Variants in ATG2B observed in about 807,000 individuals in gnomAD.
ATG2B encodes autophagy related 2B.
A neutral mutation model predicts 241.3 loss-of-function variants in ATG2B; 121 were observed. That is an observed-to-expected ratio of 0.50 (90% CI 0.43 to 0.58). The LOEUF (loss-of-function observed/expected upper bound fraction) is 0.58. ATG2B is among the 20% of genes least tolerant of loss of function. The pLI, the probability that ATG2B is intolerant of heterozygous loss-of-function variation, is 0.00. For missense variants in ATG2B, 2,306 were observed against 2,491.6 expected (o/e 0.93, Z 1.59); for synonymous variants, 858 against 876.6 (o/e 0.98, Z 0.37).
In ATG2B at chr14:96,316,679, T is replaced by C. The variant is rs1225229936; in HGVS notation, c.3215A>G (p.Asp1072Gly). The C allele has an allele frequency of 2.5e-6, 4 of 1,604,090 alleles. No individual in the cohort carries two copies. Among genetic ancestry groups the C allele is most frequent in the Non-Finnish European group, 3.4e-6 (4 of 1,176,852 alleles). ...LIAVFTDVKQ[D>G]NGDLLENKHG... The stretch of plus-strand genomic sequence containing the variant: ...CTTGTTTTCCAACAGATCTCCATTA[T>C]CTTGCTAGTAAAAAGATCAGAAAAA... The change falls in exon 21 of 42, where the codon GAT becomes GGT. Residue 1072 changes from aspartate (D) to glycine (G), a missense_variant. By Grantham distance (94) the Asp-to-Gly change is moderately conservative (BLOSUM62 -1). Coordinates refer to ENST00000359933, the MANE Select transcript of ATG2B (RefSeq NM_018036.7).
At position 96,333,734 on chromosome 14, in the gene ATG2B, C is replaced by T. The variant is rs759775149; in HGVS notation, c.1161G>A (p.Glu387=). ...CTGTTTCTGTCTCATAAAAGCTTTG[C>T]TCTGAAGATACACCCACAGAGAGGG... ...KDSLSVGVSS[E]QSFYETETAR... The change falls in exon 8 of 42, where the codon GAG becomes GAA. Residue 387 remains glutamate (E), a synonymous_variant. Coordinates refer to ENST00000359933, the MANE Select transcript of ATG2B (RefSeq NM_018036.7). 35 of 1,613,778 alleles carry T rather than the reference C, an allele frequency of 2.2e-5. No individual in the cohort carries two copies. Among genetic ancestry groups the T allele is most frequent in the Non-Finnish European group, 2.5e-5 (30 of 1,179,888 alleles).
rs991759233 is a variant in ATG2B, at chr14:96,279,267, C to T, written c.*6488G>A. On this transcript the variant is annotated 3_prime_UTR_variant, in exon 42 of 42. Coordinates refer to ENST00000359933, the MANE Select transcript of ATG2B (RefSeq NM_018036.7). ...AAATTATTACAAGTATTGCTAAAAT[C>T]AAGAAAACGTGAGCTTACATTGAAT... 1 of 152,136 alleles carries T rather than the reference C, an allele frequency of 6.6e-6. No individual in the cohort carries two copies. The highest frequency in any genetic ancestry group is 2.4e-5 in the African/African-American group (1 of 41,408). The allele number at this position is 152,136 out of a possible 1,614,324, so 9.4% of individuals were successfully genotyped here.
At chr14:96,294,620 G>GA (rs1363584894) in intron 36 of ATG2B, among the ~76,000 whole-genome samples, 1 of 152,020 alleles carries the variant, frequency 6.6e-6, no homozygotes, top group Non-Finnish European at 1.5e-5. Flanking sequence ...ATACATAAAG[G>GA]AAAAAAAGCA....
At chr14:96,326,646 G>A (rs796704533) in intron 14 of ATG2B, among the ~76,000 whole-genome samples, 2 of 152,100 alleles carry the variant, frequency 1.3e-5, no homozygotes, top group South Asian at 2.1e-4. Flanking sequence ...TCCACTCTAC[G>A]TTGTAACACT....
intron 34 of ATG2B, among the ~76,000 whole-genome samples, chr14:96,298,508 A>G (rs1400214974): frequency 6.6e-6 from 1 of 152,234 alleles, no homozygotes. Context: ...TATTCCTAAG[A>G]GCCAAAACCA....
intron 15 of ATG2B, among the ~76,000 whole-genome samples, chr14:96,324,653 A>G (rs1351079140): frequency 6.6e-6 from 1 of 152,162 alleles, no homozygotes; most frequent in Non-Finnish European, 1.5e-5. Flanking sequence ...ACAAAGCAAG[A>G]CTCTGTCTGA....
rs777453720 is a variant in ATG2B at position 96,363,012 on chromosome 14, G to C, written c.-36C>G. On this transcript the variant is annotated 5_prime_UTR_variant, in exon 1 of 42. Coordinates refer to ENST00000359933, the MANE Select transcript of ATG2B (RefSeq NM_018036.7). ...GGCAGCTGGGCTGACTGCGGCTGCG[G>C]GTTGCGACGGCTCCGGCCTCGGGGT... 23 of 1,610,852 alleles carry C rather than the reference G, an allele frequency of 1.4e-5. No homozygotes were observed. Among genetic ancestry groups the C allele is most frequent in the Non-Finnish European group, 1.8e-5 (21 of 1,178,986 alleles).
chr14:96,308,272 A>ATATATG (rs1887048049), intron 29 of ATG2B, among the ~76,000 whole-genome samples: 2 of 25,870 alleles, frequency 7.7e-5, no homozygotes, highest in Non-Finnish European at 1.3e-4. Context: ...ATATATATAT[A>ATATATG]TATATATATA....
intron 29 of ATG2B, among the ~76,000 whole-genome samples, chr14:96,308,977 T>C (rs1039740316): frequency 6.6e-6 from 1 of 152,174 alleles, no homozygotes; most frequent in African/African-American, 2.4e-5. Flanking sequence ...CATGCATGCC[T>C]TTGTCTGTGC....
At chr14:96,340,569 G>A (rs1232791830) in intron 6 of ATG2B, among the ~76,000 whole-genome samples, 1 of 152,114 alleles carries the variant, frequency 6.6e-6, no homozygotes, top group South Asian at 2.1e-4. Flanking sequence ...GTGGGGAAAT[G>A]AAGGGAAAAA....
chr14:96,309,700 G>A, intron 28 of ATG2B, 106 bp from the exon 29 acceptor site: 1 of 1,098,756 alleles, frequency 9.1e-7, no homozygotes, highest in East Asian at 2.6e-5. Flanking sequence ...AAAAACATCA[G>A]AAATAGAAAC....
intron 41 of ATG2B, among the ~76,000 whole-genome samples, chr14:96,287,619 A>G (rs1176593135): frequency 6.6e-6 from 1 of 152,168 alleles, no homozygotes. Flanking sequence ...AATTCATCTC[A>G]AGAGCTTGAC....
At chr14:96,348,291 T>C (rs1298509014) in intron 1 of ATG2B, among the ~76,000 whole-genome samples, 3 of 152,220 alleles carry the variant, frequency 2.0e-5, no homozygotes, top group East Asian at 3.9e-4. Context: ...ATTAAAACAA[T>C]TGAACTCATG....
At chr14:96,313,190 T>C in intron 24 of ATG2B, 33 bp from the exon 25 acceptor site, 1 of 1,500,988 alleles carries the variant, frequency 6.7e-7, no homozygotes, top group Non-Finnish European at 9.3e-7. Flanking sequence ...GAACATCAGT[T>C]TGATACGGCT....
intron 6 of ATG2B, among the ~76,000 whole-genome samples, chr14:96,340,061 ATGC>A (rs1384358418): frequency 5.9e-5 from 5 of 84,844 alleles, no homozygotes; most frequent in Non-Finnish European, 1.4e-4. Context: ...ATATGAATAT[ATGC>A]TATATGTGAT....
At chr14:96,351,620 C>T (rs1888323383) in intron 1 of ATG2B, among the ~76,000 whole-genome samples, 1 of 151,962 alleles carries the variant, frequency 6.6e-6, no homozygotes, top group Admixed American at 6.6e-5. Flanking sequence ...CCTTTAATCC[C>T]AGCTACTCGG....
Position 96,325,859 on chromosome 14 carries a change from C to T in ATG2B, c.2227G>A (p.Val743Ile). Residue 743 changes from valine to isoleucine, a missense_variant, in exon 15 of 42, where the codon GTA becomes ATA. Val to Ile is a conservative substitution (Grantham distance 29). Transcript: ENST00000359933. Reference protein sequence around the residue: ...SHSPANCRISVQVATPALNLS... With the variant: ...SHSPANCRISIQVATPALNLS... ...TTTAATGCTGGTGTGGCAACTTGTACTGATATCCGACAATTTGCAGGACTA... is the reference window on the plus strand; with the variant it reads ...TTTAATGCTGGTGTGGCAACTTGTATTGATATCCGACAATTTGCAGGACTA... 6.2e-7 allele frequency: 1 copy of T among 1,613,962 alleles called. No individual in the cohort carries two copies. The highest frequency in any genetic ancestry group is 8.5e-7 in the Non-Finnish European group (1 of 1,179,934).
intron 1 of ATG2B, among the ~76,000 whole-genome samples, chr14:96,352,209 G>A (rs182090669): frequency 6.6e-6 from 1 of 152,296 alleles, no homozygotes; most frequent in African/African-American, 2.4e-5. Context: ...TCACATGTCT[G>A]TGGTGATGCT....
chr14:96,361,702 C>T lies in ATG2B; in HGVS notation c.162+1113G>A, dbSNP rs148611910. 8.5e-4 allele frequency among the ~76,000 whole-genome samples: 130 copies of T among 152,080 alleles called. 1 individual carries two copies. Among genetic ancestry groups the T allele is most frequent in the African/African-American group, 3.0e-3 (123 of 41,472 alleles). Reference sequence around the variant, plus strand: ...TCCATTATCACTCGGCTAATTGTGGCGGTCTGGAGAGTCTCTCCAGGGGTA... The same window carrying T: ...TCCATTATCACTCGGCTAATTGTGGTGGTCTGGAGAGTCTCTCCAGGGGTA... On this transcript the variant is annotated intron_variant, in intron 1 of 41. Coordinates refer to ENST00000359933, the MANE Select transcript of ATG2B (RefSeq NM_018036.7).
Sources: gnomAD v4.1 joint callset for allele counts (sites outside exome capture counted in the v4.1 genomes callset) on GRCh38, gnomAD v4.1.1 for gene constraint, MANE v1.5 for transcripts, NCBI Gene and HGNC (gene_info 2026-07-23, HGNC 2026-07-21) for gene names.